Variants in KCNH1 observed in about 807,000 individuals in gnomAD.
KCNH1 encodes potassium voltage-gated channel subfamily H member 1, also known as voltage-gated delayed rectifier potassium channel KCNH1.
Under a neutral mutation model 69.2 loss-of-function variants are expected in KCNH1, and 27 were observed. That is an observed-to-expected ratio of 0.39 (90% CI 0.29 to 0.54). The LOEUF (loss-of-function observed/expected upper bound fraction) is 0.54. Among genes scored for constraint, KCNH1 ranks in the 20% least tolerant of loss-of-function variants. The pLI, the probability that KCNH1 is intolerant of heterozygous loss-of-function variation, is 0.68. For missense variants in KCNH1, 798 were observed against 1,261.6 expected, an observed-to-expected ratio of 0.63 and a Z score of 5.57; for synonymous variants, 456 against 487.7, an observed-to-expected ratio of 0.93 and a Z score of 0.86.
At chr1:210,995,735 T>C (rs1689020220) in intron 6 of KCNH1, among the ~76,000 whole-genome samples, 2 of 152,194 alleles carry the variant, frequency 1.3e-5, no homozygotes, top group African/African-American at 2.4e-5. Context: ...AGGTCAGGTA[T>C]CTTCAAGTAC....
intron 7 of KCNH1, chr1:210,860,839 T>C: frequency 2.2e-6 from 2 of 911,806 alleles, no homozygotes; most frequent in Non-Finnish European, 3.7e-6. Flanking sequence ...ACAAAAATAG[T>C]GAAGTACTCA....
intron 7 of KCNH1, among the ~76,000 whole-genome samples, chr1:210,856,440 C>T (rs533835290): frequency 1.3e-5 from 2 of 152,224 alleles, no homozygotes; most frequent in African/African-American, 4.8e-5. Context: ...ACTTCTAGGA[C>T]AGCTTACCTG....
At chr1:210,708,542 A>G (rs1681972091) in intron 10 of KCNH1, among the ~76,000 whole-genome samples, 1 of 152,150 alleles carries the variant, frequency 6.6e-6, no homozygotes. Context: ...TTGACCCTAT[A>G]TAAACTTGCT....
chr1:211,012,307 C>T (rs1689408892), intron 6 of KCNH1, among the ~76,000 whole-genome samples: 1 of 152,168 alleles, frequency 6.6e-6, no homozygotes, highest in Admixed American at 6.5e-5. Context: ...GTCTCACCTC[C>T]TGTCCACCCT....
intron 9 of KCNH1, among the ~76,000 whole-genome samples, chr1:210,792,437 A>G (rs963477427): frequency 2.0e-5 from 3 of 152,252 alleles, no homozygotes; most frequent in Middle Eastern, 3.4e-3. Flanking sequence ...CTTTCTTTCC[A>G]TGTGCTAGGT....
intron 10 of KCNH1, among the ~76,000 whole-genome samples, chr1:210,754,974 G>A (rs2022442): frequency 0.025 from 3,823 of 152,242 alleles, 105 homozygotes; most frequent in East Asian, 0.14. Context: ...AGCCATGGGT[G>A]TGGGAGCATG....
chr1:210,995,881 A>T (rs1211150665), intron 6 of KCNH1, among the ~76,000 whole-genome samples: 1 of 152,200 alleles, frequency 6.6e-6, no homozygotes, highest in Non-Finnish European at 1.5e-5. Context: ...AGTGTAAGTA[A>T]TATGCTGTGG....
chr1:210,809,702 G>T (rs988415543), intron 7 of KCNH1, among the ~76,000 whole-genome samples: 5 of 152,160 alleles, frequency 3.3e-5, no homozygotes, highest in Non-Finnish European at 7.3e-5. Context: ...TATCAGGAAG[G>T]AATCCAGTTC....
In KCNH1 at chr1:211,090,618, C is replaced by G; in HGVS notation, c.383G>C (p.Cys128Ser). 6.2e-7 allele frequency: 1 copy of G among 1,609,642 alleles called. No homozygotes were observed. The highest frequency in any genetic ancestry group is 8.5e-7 in the Non-Finnish European group (1 of 1,178,986). ...NEQDKVVLFL[C>S]TFSDITAFKQ... ...GAAAGCTGTTATGTCACTGAAAGTG[C>G]AAAGAAATAAAACCACTTTATCCTG... The change falls in exon 4 of 11, where the codon TGC becomes TCC. Residue 128 changes from cysteine (C) to serine (S), a missense_variant. By Grantham distance (112) the Cys-to-Ser change is moderately radical (BLOSUM62 -1). This residue lies in a region of KCNH1 where 266 missense variants were observed against 457.2 expected (regional missense o/e 0.58). Coordinates refer to ENST00000271751, the MANE Select transcript of KCNH1 (RefSeq NM_172362.3).
At chr1:211,124,448 ATCC>A (rs1300613533) in intron 1 of KCNH1, among the ~76,000 whole-genome samples, 3 of 152,210 alleles carry the variant, frequency 2.0e-5, no homozygotes, top group Non-Finnish European at 4.4e-5. Context: ...GATTAAGACC[ATCC>A]TGGCCAACAC....
At position 211,113,030 on chromosome 1, in the gene KCNH1, CA is replaced by C. The variant is rs1196779388; in HGVS notation, c.80-5654del. Reference sequence around the variant, plus strand: ...TTTAGATATTAATAATAATGGGTACCATTTATTGATAATTACTCTTTACCAG... The same window carrying C: ...TTTAGATATTAATAATAATGGGTACCTTTATTGATAATTACTCTTTACCAG... On this transcript the variant is annotated intron_variant, in intron 1 of 10. Coordinates refer to ENST00000271751, the MANE Select transcript of KCNH1 (RefSeq NM_172362.3). 2.0e-5 allele frequency among the ~76,000 whole-genome samples: 3 copies of C among 151,988 alleles called. No individual in the cohort carries two copies. The South Asian group carries it at 6.2e-4, about 32-fold the overall frequency.
In KCNH1 at chr1:210,874,246, T is replaced by C. The variant is rs540312485; in HGVS notation, c.1462+45394A>G. ...AGGAAAGACAGAAGAAACCTGATGC[T>C]GTCTTTGAGTCACTAAATTAAACAG... On this transcript the variant is annotated intron_variant, in intron 7 of 10. Coordinates refer to ENST00000271751, the MANE Select transcript of KCNH1 (RefSeq NM_172362.3). 2.0e-5 allele frequency among the ~76,000 whole-genome samples: 3 copies of C among 152,362 alleles called. No individual in the cohort carries two copies. The South Asian group carries it at 6.2e-4, about 32-fold the overall frequency.
intron 6 of KCNH1, among the ~76,000 whole-genome samples, chr1:210,996,166 G>A (rs570058146): frequency 3.3e-5 from 5 of 152,258 alleles, no homozygotes; most frequent in East Asian, 1.9e-4. Flanking sequence ...CATTGTGCAC[G>A]AGCCGAAGCA....
intron 6 of KCNH1, among the ~76,000 whole-genome samples, chr1:210,964,046 G>A (rs1209164303): frequency 1.3e-5 from 2 of 152,140 alleles, no homozygotes; most frequent in African/African-American, 4.8e-5. Flanking sequence ...CAGAGAGAAA[G>A]GTTGGGTTAC....
chr1:210,961,242 G>A (rs369939220), intron 6 of KCNH1, among the ~76,000 whole-genome samples: 6 of 151,726 alleles, frequency 4.0e-5, no homozygotes, highest in South Asian at 2.1e-4. Context: ...TTAGATACAC[G>A]ACTTGCAAAT....
At chr1:210,987,172 G>C (rs914942895) in intron 6 of KCNH1, among the ~76,000 whole-genome samples, 1 of 152,116 alleles carries the variant, frequency 6.6e-6, no homozygotes, top group Non-Finnish European at 1.5e-5. Context: ...GGTTATTCTA[G>C]TTAGCCATTC....
intron 10 of KCNH1, among the ~76,000 whole-genome samples, chr1:210,757,438 T>TG (rs1258174713): frequency 6.6e-6 from 1 of 152,194 alleles, no homozygotes; most frequent in Non-Finnish European, 1.5e-5. Flanking sequence ...ACTATTCCTA[T>TG]GGCCAGAAAA....
At chr1:211,050,582 A>G (rs1397197492) in intron 5 of KCNH1, among the ~76,000 whole-genome samples, 1 of 152,228 alleles carries the variant, frequency 6.6e-6, no homozygotes, top group Non-Finnish European at 1.5e-5. Flanking sequence ...CTGAAATGCA[A>G]CTGGGTAACA....
At chr1:210,890,073 C>A (rs1035444570) in intron 7 of KCNH1, among the ~76,000 whole-genome samples, 1 of 152,098 alleles carries the variant, frequency 6.6e-6, no homozygotes, top group Admixed American at 6.5e-5. Context: ...GAAAAAAGAG[C>A]CCATATGCCC....
Sources: allele counts gnomAD v4.1 joint callset (sites outside exome capture counted in the v4.1 genomes callset), GRCh38; gene constraint gnomAD v4.1.1; regional missense constraint gnomAD v4.1.1; transcripts MANE v1.5; gene names NCBI Gene and HGNC (gene_info 2026-07-23, HGNC 2026-07-21).